The following EPHB1 variants were observed in gnomAD, a reference collection of about 807,000 sequenced individuals.
The protein encoded by EPHB1 is ephrin type-B receptor 1.
Under a neutral mutation model 94.4 loss-of-function variants are expected in EPHB1, and 30 were observed. The observed-to-expected ratio is 0.32, with a 90% CI of 0.24 to 0.43. The LOEUF (loss-of-function observed/expected upper bound fraction) is 0.43, where lower values mean the gene tolerates loss of function less well. EPHB1 is among the 20% of genes least tolerant of loss of function. EPHB1 has a pLI of 1.00. For missense variants in EPHB1, 1,055 were observed against 1,308.3 expected, an observed-to-expected ratio of 0.81 and a Z score of 2.99; for synonymous variants, 522 against 489.1, an observed-to-expected ratio of 1.07 and a Z score of -0.89.
chr3:134,896,674 T>C (rs1376427458), intron 1 of EPHB1, among the ~76,000 whole-genome samples: 2 of 152,252 alleles, frequency 1.3e-5, no homozygotes, highest in Non-Finnish European at 2.9e-5. Context: ...CACCCTGCTC[T>C]CTGCTCTGAA....
chr3:134,922,295 A>C (rs573833656), intron 1 of EPHB1, among the ~76,000 whole-genome samples: 2 of 152,350 alleles, frequency 1.3e-5, no homozygotes, highest in African/African-American at 4.8e-5. Flanking sequence ...ACTTTTATTC[A>C]GCCCCCACTA....
chr3:134,877,764 T>G (rs984467122), intron 1 of EPHB1, among the ~76,000 whole-genome samples: 13 of 152,318 alleles, frequency 8.5e-5, no homozygotes, highest in African/African-American at 3.1e-4. Flanking sequence ...GTGTGTTACC[T>G]GCAGCCTGTC....
At chr3:135,202,977 C>T (rs1441203946) in intron 12 of EPHB1, among the ~76,000 whole-genome samples, 1 of 152,166 alleles carries the variant, frequency 6.6e-6, no homozygotes, top group African/African-American at 2.4e-5. Context: ...ACCCAAATGC[C>T]CATCAATGAT....
At chr3:135,125,421 A>G (rs1372077293) in intron 4 of EPHB1, among the ~76,000 whole-genome samples, 1 of 148,212 alleles carries the variant, frequency 6.7e-6, no homozygotes, top group Non-Finnish European at 1.5e-5. Flanking sequence ...GCTGCAAAAT[A>G]TCACAGCCCT....
At chr3:135,123,459 C>T (rs1262852059) in intron 4 of EPHB1, among the ~76,000 whole-genome samples, 1 of 152,148 alleles carries the variant, frequency 6.6e-6, no homozygotes, top group Non-Finnish European at 1.5e-5. Context: ...TAGAAATCTG[C>T]TCCAGGGAAA....
intron 3 of EPHB1, among the ~76,000 whole-genome samples, chr3:135,075,442 C>T (rs1022700332): frequency 2.6e-5 from 4 of 152,200 alleles, no homozygotes; most frequent in Non-Finnish European, 5.9e-5. Context: ...ATTTCCCCGT[C>T]TGTTTCATCA....
chr3:135,117,117 G>T (rs1014376127), intron 4 of EPHB1, among the ~76,000 whole-genome samples: 3 of 152,184 alleles, frequency 2.0e-5, no homozygotes, highest in African/African-American at 7.2e-5. Context: ...GCCTGGCTAG[G>T]GATCTCTCCA....
intron 5 of EPHB1, among the ~76,000 whole-genome samples, chr3:135,146,934 A>T (rs1349724008): frequency 1.3e-5 from 2 of 152,160 alleles, no homozygotes; most frequent in Non-Finnish European, 2.9e-5. Context: ...GGAGCAAGAG[A>T]CCACACAGAG....
intron 3 of EPHB1, among the ~76,000 whole-genome samples, chr3:135,069,177 T>A (rs1252563177): frequency 4.6e-5 from 7 of 151,758 alleles, no homozygotes; most frequent in Admixed American, 1.3e-4. Context: ...AAATTTTTTT[T>A]ATAGTTTTAG....
At position 134,807,010 on chromosome 3, in the gene EPHB1, G is replaced by A. The variant is rs140012378; in HGVS notation, c.58+11321G>A. Among the ~76,000 whole-genome samples, 7 of 152,282 alleles carry A rather than the reference G, an allele frequency of 4.6e-5. 1 individual carries two copies. Among genetic ancestry groups the A allele is most frequent in the African/African-American group, 1.7e-4 (7 of 41,546 alleles). On this transcript the variant is annotated intron_variant, in intron 1 of 15. Transcript: ENST00000398015. The stretch of plus-strand genomic sequence containing the variant: ...AAGTGGGCTTAGGTTTGCTCTGCAC[G>A]GGAGATAGATTTTGGCTTGATTACA...
intron 3 of EPHB1, among the ~76,000 whole-genome samples, chr3:135,086,048 A>G (rs1287014328): frequency 6.6e-6 from 1 of 152,014 alleles, no homozygotes; most frequent in East Asian, 1.9e-4. Context: ...GAGAAGAAAG[A>G]AGCTTCCTAC....
intron 2 of EPHB1, among the ~76,000 whole-genome samples, chr3:134,930,006 T>G (rs1296944474): frequency 6.6e-6 from 1 of 152,168 alleles, no homozygotes; most frequent in Non-Finnish European, 1.5e-5. Context: ...AAGGCAGAGA[T>G]TGTTCTGGAG....
intron 2 of EPHB1, among the ~76,000 whole-genome samples, chr3:134,933,125 G>A (rs1255873236): frequency 6.6e-6 from 1 of 152,126 alleles, no homozygotes; most frequent in African/African-American, 2.4e-5. Context: ...GTTATCAATC[G>A]ATCCCTCCTC....
chr3:134,933,999 A>C (rs545223062), intron 2 of EPHB1, among the ~76,000 whole-genome samples: 40 of 150,388 alleles, frequency 2.7e-4, no homozygotes, highest in African/African-American at 9.8e-4. Flanking sequence ...CCTCCCTCAT[A>C]CCCTCCCCTC....
intron 12 of EPHB1, among the ~76,000 whole-genome samples, chr3:135,237,987 C>T (rs2107726841): frequency 1.3e-5 from 2 of 152,258 alleles, no homozygotes; most frequent in African/African-American, 4.8e-5. Flanking sequence ...TGGTCACCAT[C>T]CTCTAAATTA....
At chr3:135,009,434 C>G (rs961565859) in intron 3 of EPHB1, among the ~76,000 whole-genome samples, 1 of 152,170 alleles carries the variant, frequency 6.6e-6, no homozygotes, top group African/African-American at 2.4e-5. Flanking sequence ...TGGGGGCTTT[C>G]CTGTATCTGT....
At chr3:135,244,185 C>A (rs114686498) in intron 13 of EPHB1, among the ~76,000 whole-genome samples, 1 of 152,304 alleles carries the variant, frequency 6.6e-6, no homozygotes, top group African/African-American at 2.4e-5. Context: ...GTGTACCTAC[C>A]ATTTCTCAGT....
chr3:135,096,351 C>A (rs1474913174), intron 3 of EPHB1, among the ~76,000 whole-genome samples: 1 of 152,184 alleles, frequency 6.6e-6, no homozygotes, highest in East Asian at 1.9e-4. Context: ...TTGCATTCTT[C>A]CAGATGGCCT....
chr3:134,989,147 C>T (rs1008198097), intron 3 of EPHB1, among the ~76,000 whole-genome samples: 2 of 152,070 alleles, frequency 1.3e-5, no homozygotes, highest in Non-Finnish European at 2.9e-5. Flanking sequence ...TCTGGCACCA[C>T]GGTGGAAGTG....
Sources: gnomAD v4.1 joint callset for allele counts (sites outside exome capture counted in the v4.1 genomes callset) on GRCh38, gnomAD v4.1.1 for gene constraint, MANE v1.5 for transcripts, NCBI Gene and HGNC (gene_info 2026-07-23, HGNC 2026-07-21) for gene names.